Variants in TYW3 observed in about 807,000 individuals in gnomAD.
TYW3 encodes tRNA wybutosine-synthesizing protein 3 homolog.
In TYW3, 26 loss-of-function variants were observed where a neutral mutation model predicts 23.1. The ratio of observed to expected loss-of-function variants is 1.13; its 90% CI spans 0.83 to 1.56. The LOEUF (loss-of-function observed/expected upper bound fraction) is 1.56, where lower values mean the gene tolerates loss of function less well. TYW3 is among the 40% of genes most tolerant of loss of function. The probability of loss-of-function intolerance (pLI) is 0.00; values close to 1 mark genes in which losing one functional copy is unlikely to be tolerated. For missense variants in TYW3, 316 were observed against 311.9 expected, an observed-to-expected ratio of 1.01 and a Z score of -0.10; for synonymous variants, 102 against 105.7, an observed-to-expected ratio of 0.97 and a Z score of 0.21.
chr1:74,754,967 C>A (rs1648904083), intron 5 of TYW3, among the ~76,000 whole-genome samples: 1 of 152,148 alleles, frequency 6.6e-6, no homozygotes, highest in South Asian at 2.1e-4. Context: ...ATCTTTGAAT[C>A]TATTAATAAG....
At chr1:74,748,523 T>C in intron 3 of TYW3, 2 of 464,356 alleles carry the variant, frequency 4.3e-6, no homozygotes, top group Non-Finnish European at 7.6e-6. Flanking sequence ...GAATTCTACT[T>C]TTACTCTTTC....
At chr1:74,734,618 A>G (rs1648072565) in intron 1 of TYW3, among the ~76,000 whole-genome samples, 1 of 152,234 alleles carries the variant, frequency 6.6e-6, no homozygotes, top group Non-Finnish European at 1.5e-5. Flanking sequence ...GGTTTCAGGC[A>G]TCCACTAGGG....
intron 2 of TYW3, 64 bp downstream of exon 2, chr1:74,736,686 C>A: frequency 2.3e-6 from 3 of 1,277,812 alleles, no homozygotes; most frequent in Non-Finnish European, 2.2e-6. Flanking sequence ...ATACATATGA[C>A]AAGAATAGAA....
intron 4 of TYW3, 150 bp from the exon 5 acceptor site, chr1:74,752,142 G>GT: frequency 1.4e-6 from 1 of 690,290 alleles, no homozygotes; most frequent in African/African-American, 1.8e-5. Flanking sequence ...TGCTTTAACT[G>GT]TGCTCAGCTA....
At chr1:74,733,532 G>A in intron 1 of TYW3, 114 bp downstream of exon 1, 30 of 1,458,164 alleles carry the variant, frequency 2.1e-5, no homozygotes, top group Non-Finnish European at 2.4e-5. Flanking sequence ...CCTCTGAGGG[G>A]TGGTCTCTGT....
chr1:74,733,557 A>C (rs1647998821), intron 1 of TYW3, 139 bp downstream of exon 1: 2 of 1,436,176 alleles, frequency 1.4e-6, no homozygotes, highest in African/African-American at 2.9e-5. Flanking sequence ...TTATATGTGA[A>C]ATTTAGGGGA....
rs1421853955 is a variant in TYW3 at position 74,763,568 on chromosome 1, T to A, written c.561-326T>A. ...TGATCTGTATTTGTAACCTCACACA[T>A]TATACAAATTACCTAAAATGAGCCA... On this transcript the variant is annotated intron_variant, in intron 5 of 5. Transcript: ENST00000370867. Among the ~76,000 whole-genome samples, 4 of 152,218 alleles carry A rather than the reference T, an allele frequency of 2.6e-5. No individual in the cohort carries two copies. In the East Asian group the frequency reaches 7.7e-4, roughly 29 times the overall value.
In TYW3 at chr1:74,738,757, A is replaced by G. The variant is rs745588555; in HGVS notation, c.323A>G (p.Gln108Arg). ...LKFEPFVLHV[Q>R]CRQLQDAQIL... Reference sequence around the variant, plus strand: ...TTTGAACCATTTGTTCTTCATGTGCAGTGTCGACAATTGCAGGATGCACAG... The same window carrying G: ...TTTGAACCATTTGTTCTTCATGTGCGGTGTCGACAATTGCAGGATGCACAG... Residue 108 changes from glutamine to arginine, a missense_variant, in exon 3 of 6, where the codon CAG becomes CGG. Physicochemically the swap from Gln to Arg is conservative, Grantham distance 43 (BLOSUM62 1). Coordinates refer to ENST00000370867, the MANE Select transcript of TYW3 (RefSeq NM_138467.3). 5 of 1,611,462 alleles carry G rather than the reference A, an allele frequency of 3.1e-6. No individual in the cohort carries two copies. Among genetic ancestry groups the G allele is most frequent in the Non-Finnish European group, 4.2e-6 (5 of 1,178,062 alleles).
chr1:74,752,513 C>G, intron 5 of TYW3, 88 bp downstream of exon 5: 1 of 1,124,768 alleles, frequency 8.9e-7, no homozygotes, highest in Non-Finnish European at 1.3e-6. Flanking sequence ...GTTTATAATG[C>G]CAACTGCTTA....
chr1:74,734,037 C>T (rs1325981394), intron 1 of TYW3: 2 of 151,998 alleles, frequency 1.3e-5, no homozygotes, highest in African/African-American at 4.8e-5. Context: ...CTTACATTTT[C>T]CACTTATGAC....
At chr1:74,747,935 G>T (rs61790737) in intron 3 of TYW3, among the ~76,000 whole-genome samples, 59,703 of 151,836 alleles carry the variant, frequency 0.39, 14,381 homozygotes, top group Non-Finnish European at 0.55. Context: ...ATACATATAT[G>T]TGTGTATATA....
rs1649259346 is a variant in TYW3, at chr1:74,765,146, A to AT, written c.*1033_*1034insT. 1.3e-5 allele frequency: 2 copies of AT among 152,170 alleles called. No individual in the cohort carries two copies. The highest frequency in any genetic ancestry group is 4.8e-5 in the African/African-American group (2 of 41,454). The allele number at this position is 152,170 out of a possible 1,614,324, so 9.4% of individuals were successfully genotyped here. ...CAACTCATCCAAGTGGTTCTGATAA[A>AT]ATCAGTCCAGCACTTTTAGAACCCA... On this transcript the variant is annotated 3_prime_UTR_variant, in exon 6 of 6. Coordinates refer to ENST00000370867, the MANE Select transcript of TYW3 (RefSeq NM_138467.3).
At chr1:74,747,493 T>C (rs277397) in intron 3 of TYW3, among the ~76,000 whole-genome samples, 147,941 of 148,974 alleles carry the variant, frequency 0.99, 73,458 homozygotes, top group East Asian at 1. Flanking sequence ...AAAAATTAGC[T>C]GGGCGTAGTG....
chr1:74,761,252 G>C (rs1371412404), intron 5 of TYW3, among the ~76,000 whole-genome samples: 1 of 152,114 alleles, frequency 6.6e-6, no homozygotes. Context: ...ACTAGTATTT[G>C]AAGTTTTTAT....
intron 5 of TYW3, among the ~76,000 whole-genome samples, chr1:74,760,694 G>A (rs1292720266): frequency 1.3e-5 from 2 of 152,342 alleles, no homozygotes; most frequent in East Asian, 3.9e-4. Flanking sequence ...CTAGTACTGG[G>A]CACTTGGCCT....
At chr1:74,739,829 G>A (rs558381375) in intron 3 of TYW3, among the ~76,000 whole-genome samples, 165 of 152,290 alleles carry the variant, frequency 1.1e-3, no homozygotes, top group Non-Finnish European at 1.9e-3. Flanking sequence ...GTTGGTGTAA[G>A]GTGATAGCAC....
intron 3 of TYW3, among the ~76,000 whole-genome samples, chr1:74,742,448 C>T (rs944853777): frequency 1.5e-4 from 23 of 152,144 alleles, no homozygotes; most frequent in African/African-American, 3.6e-4. Flanking sequence ...ACTATGCCCC[C>T]GTGAAAGTCC....
chr1:74,755,473 TA>T (rs1648921781), intron 5 of TYW3, among the ~76,000 whole-genome samples: 3 of 152,236 alleles, frequency 2.0e-5, no homozygotes. Context: ...TTCGTTAATG[TA>T]GGATTCATCC....
chr1:74,753,311 A>G (rs1257261083), intron 5 of TYW3, among the ~76,000 whole-genome samples: 1 of 152,198 alleles, frequency 6.6e-6, no homozygotes, highest in Non-Finnish European at 1.5e-5. Flanking sequence ...CCATCACAAT[A>G]GCCTCATTCA....
Sources: allele counts gnomAD v4.1 joint callset (sites outside exome capture counted in the v4.1 genomes callset), GRCh38; gene constraint gnomAD v4.1.1; transcripts MANE v1.5; gene names NCBI Gene and HGNC (gene_info 2026-07-23, HGNC 2026-07-21).